The following ZBTB40 variants were observed in gnomAD, a reference collection of about 807,000 sequenced individuals.
The protein encoded by ZBTB40 is zinc finger and BTB domain containing 40.
ZBTB40 carries 60 observed loss-of-function variants against 117.5 expected under a neutral mutation model. The observed-to-expected ratio is 0.51, with a 90% confidence interval of 0.41 to 0.63. The LOEUF (loss-of-function observed/expected upper bound fraction) is 0.63, where lower values mean the gene tolerates loss of function less well. ZBTB40 is among the 30% of genes least tolerant of loss of function. The probability of loss-of-function intolerance (pLI) is 0.00; values close to 1 mark genes in which losing one functional copy is unlikely to be tolerated. For missense variants in ZBTB40, 1,287 were observed against 1,498.5 expected, an observed-to-expected ratio of 0.86 and a Z score of 2.33; for synonymous variants, 525 against 577.1, an observed-to-expected ratio of 0.91 and a Z score of 1.29.
chr1:22,517,606 G>A, intron 13 of ZBTB40, 142 bp downstream of exon 13: 1 of 957,454 alleles, frequency 1.0e-6, no homozygotes, highest in South Asian at 1.8e-5. Context: ...AAAACCCAGA[G>A]TCCCTCATTC....
intron 3 of ZBTB40, among the ~76,000 whole-genome samples, chr1:22,495,259 A>G (rs990728988): frequency 2.6e-5 from 4 of 152,210 alleles, no homozygotes; most frequent in African/African-American, 9.7e-5. Flanking sequence ...CAGCAACATG[A>G]GAAGAAGCTG....
At chr1:22,520,027 A>G (rs1639477358) in intron 13 of ZBTB40, 34 bp from the exon 14 acceptor site, 1 of 1,601,010 alleles carries the variant, frequency 6.2e-7, no homozygotes, top group Non-Finnish European at 8.6e-7. Flanking sequence ...TTTCCTCTCC[A>G]CCTCTTCCTC....
intron 13 of ZBTB40, 56 bp from the exon 14 acceptor site, chr1:22,520,005 A>G (rs1481503160): frequency 2.0e-6 from 3 of 1,490,058 alleles, no homozygotes; most frequent in Non-Finnish European, 2.8e-6. Context: ...ATGGCTGCCT[A>G]TGGTGTTTTC....
At chr1:22,470,027 T>C (rs1641363026) in intron 1 of ZBTB40, among the ~76,000 whole-genome samples, 1 of 152,242 alleles carries the variant, frequency 6.6e-6, no homozygotes, top group African/African-American at 2.4e-5. Flanking sequence ...TTCAGCAGCA[T>C]GTGAGATGCA....
chr1:22,495,037 GGTT>G (rs1638736110), intron 3 of ZBTB40, among the ~76,000 whole-genome samples: 1 of 152,170 alleles, frequency 6.6e-6, no homozygotes, highest in African/African-American at 2.4e-5. Context: ...TCCTGTGATT[GGTT>G]GTTGTTTAGT....
intron 1 of ZBTB40, among the ~76,000 whole-genome samples, chr1:22,433,153 G>A (rs1198425667): frequency 2.6e-5 from 4 of 151,908 alleles, no homozygotes; most frequent in Non-Finnish European, 4.4e-5. Context: ...AGACAGCTAG[G>A]CCGGGTGTGG....
At chr1:22,462,820 G>A (rs897549521) in intron 1 of ZBTB40, among the ~76,000 whole-genome samples, 1 of 152,182 alleles carries the variant, frequency 6.6e-6, no homozygotes, top group South Asian at 2.1e-4. Flanking sequence ...CAGTCCAGCT[G>A]TATGAAATGA....
chr1:22,492,958 C>A (rs568503169), intron 3 of ZBTB40, among the ~76,000 whole-genome samples: 1 of 152,342 alleles, frequency 6.6e-6, no homozygotes, highest in African/African-American at 2.4e-5. Flanking sequence ...AAAGCTTCCT[C>A]TCCACTTAAC....
intron 1 of ZBTB40, among the ~76,000 whole-genome samples, chr1:22,466,645 G>C (rs1213236909): frequency 2.0e-5 from 3 of 151,960 alleles, no homozygotes; most frequent in African/African-American, 7.3e-5. Flanking sequence ...AATGACTGAT[G>C]ATGAACATCT....
intron 16 of ZBTB40, 89 bp downstream of exon 16, chr1:22,522,552 C>A: frequency 7.9e-7 from 1 of 1,268,018 alleles, no homozygotes; most frequent in South Asian, 1.2e-5. Context: ...TAGGCTAAAT[C>A]GCTTAACAAA....
chr1:22,448,421 C>T (rs780773833), upstream of ZBTB40, among the ~76,000 whole-genome samples: 7 of 152,136 alleles, frequency 4.6e-5, no homozygotes, highest in Non-Finnish European at 8.8e-5. Context: ...CTGCTAAGTG[C>T]TAGGATTTAC....
At chr1:22,459,357 C>G (rs1553130450) in intron 1 of ZBTB40, among the ~76,000 whole-genome samples, 1 of 152,188 alleles carries the variant, frequency 6.6e-6, no homozygotes, top group Non-Finnish European at 1.5e-5. Context: ...ACATTTAAGA[C>G]TCTGATCCAT....
At chr1:22,505,247 T>A (rs1347985117) in intron 5 of ZBTB40, among the ~76,000 whole-genome samples, 4 of 152,238 alleles carry the variant, frequency 2.6e-5, no homozygotes, top group Non-Finnish European at 5.9e-5. Context: ...ATCAGTTCCA[T>A]AAGAGCTAAG....
intron 5 of ZBTB40, among the ~76,000 whole-genome samples, chr1:22,502,852 C>T (rs1638979176): frequency 1.3e-5 from 2 of 152,134 alleles, no homozygotes; most frequent in African/African-American, 4.8e-5. Context: ...GACACCTTTC[C>T]TCTTTATAGA....
In ZBTB40 at chr1:22,521,436, C is replaced by T. The variant is rs113047940; in HGVS notation, c.3049-60C>T. The T allele has an allele frequency of 3.2e-4, 507 of 1,600,268 alleles. 3 individuals carry two copies. The African/African-American group carries it at 5.6e-3, about 18-fold the overall frequency. On this transcript the variant is annotated intron_variant, in intron 14 of 17. Transcript: ENST00000375647. ...GTATTTCTTTCTCTCATGAGAGCCTCGTGAGCTCTCCAGCTTGCTGGAACT... is the reference window on the plus strand; with the variant it reads ...GTATTTCTTTCTCTCATGAGAGCCTTGTGAGCTCTCCAGCTTGCTGGAACT...
intron 13 of ZBTB40, among the ~76,000 whole-genome samples, chr1:22,517,915 C>G (rs1439038657): frequency 6.6e-6 from 1 of 152,234 alleles, no homozygotes; most frequent in Non-Finnish European, 1.5e-5. Context: ...GCCCAGCATT[C>G]TCTTCCGAAT....
intron 1 of ZBTB40, among the ~76,000 whole-genome samples, chr1:22,453,352 A>G (rs1168426633): frequency 6.6e-6 from 1 of 152,178 alleles, no homozygotes; most frequent in Non-Finnish European, 1.5e-5. Flanking sequence ...TGCATTCATT[A>G]ATCATTTAGT....
rs1638570405 is a variant in ZBTB40 at position 22,489,760 on chromosome 1, A to T, written c.-69-120A>T. ...TATACCTGGCATACTGTCCCTTCCT[A>T]TTAAGCAATATTTGTTGGATGAATG... On this transcript the variant is annotated intron_variant, in intron 1 of 17. Coordinates refer to ENST00000375647, the MANE Select transcript of ZBTB40 (RefSeq NM_014870.4). 5 of 658,146 alleles carry T rather than the reference A, an allele frequency of 7.6e-6. No individual in the cohort carries two copies. In the South Asian group the frequency reaches 8.4e-5, roughly 11 times the overall value. The allele number at this position is 658,146 out of a possible 1,614,324, so 40.8% of individuals were successfully genotyped here. A position where few individuals can be genotyped will look rare whatever the true frequency, so the allele number is the denominator to read the frequency against.
intron 1 of ZBTB40, among the ~76,000 whole-genome samples, chr1:22,455,322 CA>C (rs1465166165): frequency 6.6e-6 from 1 of 152,124 alleles, no homozygotes; most frequent in Non-Finnish European, 1.5e-5. Context: ...AGGCAAATGG[CA>C]GGCTTTTTGA....
Sources: gnomAD v4.1 joint callset for allele counts (sites outside exome capture counted in the v4.1 genomes callset) on GRCh38, gnomAD v4.1.1 for gene constraint, MANE v1.5 for transcripts, NCBI Gene and HGNC (gene_info 2026-07-23, HGNC 2026-07-21) for gene names.